The following NAV3 variants were observed in gnomAD, a reference collection of about 807,000 sequenced individuals.
NAV3 encodes neuron navigator 3, also known as pore membrane and/or filament interacting like protein 1.
In NAV3, 87 loss-of-function variants were observed where a neutral mutation model predicts 244.7. That is an observed-to-expected ratio of 0.36 (90% CI 0.30 to 0.42). The LOEUF (loss-of-function observed/expected upper bound fraction) is 0.42, where lower values mean the gene tolerates loss of function less well. NAV3 is among the 20% of genes least tolerant of loss of function. The pLI, the probability that NAV3 is intolerant of heterozygous loss-of-function variation, is 1.00. For missense variants in NAV3, 2,663 were observed against 2,893.3 expected (o/e 0.92, Z 1.83); for synonymous variants, 1,126 against 1,042.2 (o/e 1.08, Z -1.55).
intron 1 of NAV3, among the ~76,000 whole-genome samples, chr12:77,892,955 G>T (rs1333570332): frequency 6.6e-6 from 1 of 152,132 alleles, no homozygotes; most frequent in African/African-American, 2.4e-5. Flanking sequence ...TTAGTTAAGT[G>T]AAGTAGCATT....
intron 12 of NAV3, among the ~76,000 whole-genome samples, chr12:78,094,590 C>T (rs915083645): frequency 2.0e-5 from 3 of 152,130 alleles, no homozygotes; most frequent in Admixed American, 6.5e-5. Flanking sequence ...TGTAAATATA[C>T]AATTATAAAT....
chr12:78,184,276 A>G (rs1958619063), intron 30 of NAV3, among the ~76,000 whole-genome samples: 1 of 151,922 alleles, frequency 6.6e-6, no homozygotes. Context: ...ATGAGTAATT[A>G]AGACAAGTAC....
At chr12:77,834,987 A>G (rs1003652485) in intron 1 of NAV3, among the ~76,000 whole-genome samples, 1 of 152,202 alleles carries the variant, frequency 6.6e-6, no homozygotes, top group Admixed American at 6.5e-5. Context: ...CAACATAACA[A>G]TAGCATAAAG....
At chr12:78,030,674 A>G (rs1378097780) in intron 9 of NAV3, among the ~76,000 whole-genome samples, 1 of 152,184 alleles carries the variant, frequency 6.6e-6, no homozygotes, top group Non-Finnish European at 1.5e-5. Flanking sequence ...AACAAATGTG[A>G]CTAAGAAGTG....
intron 2 of NAV3, among the ~76,000 whole-genome samples, chr12:77,702,080 G>C (rs1365749462): frequency 1.3e-5 from 2 of 151,834 alleles, no homozygotes; most frequent in African/African-American, 4.8e-5. Flanking sequence ...TGATAATTGT[G>C]AAGTTATTAA....
chr12:78,072,343 A>C (rs1593470316), intron 12 of NAV3, among the ~76,000 whole-genome samples: 2 of 131,140 alleles, frequency 1.5e-5, no homozygotes, highest in South Asian at 2.9e-4. Context: ...ATAAAAAATG[A>C]TAAAGGGGAT....
At chr12:77,930,338 G>T (rs2137303165) in intron 1 of NAV3, among the ~76,000 whole-genome samples, 1 of 152,038 alleles carries the variant, frequency 6.6e-6, no homozygotes, top group African/African-American at 2.4e-5. Flanking sequence ...TAGGATTAAA[G>T]TCTCTTTCTT....
At chr12:77,892,443 T>C (rs1030058511) in intron 1 of NAV3, among the ~76,000 whole-genome samples, 3 of 151,580 alleles carry the variant, frequency 2.0e-5, no homozygotes, top group African/African-American at 4.8e-5. Context: ...TTAGACAGAA[T>C]CTTGCTCTGT....
At chr12:78,180,388 A>C (rs1372459932) in intron 29 of NAV3, among the ~76,000 whole-genome samples, 1 of 152,100 alleles carries the variant, frequency 6.6e-6, no homozygotes, top group African/African-American at 2.4e-5. Context: ...AAGGAAAAAA[A>C]GAAACTTTTT....
chr12:78,198,528 A>T, intron 35 of NAV3, 77 bp from the exon 36 acceptor site: 1 of 802,948 alleles, frequency 1.2e-6, no homozygotes, highest in Admixed American at 2.4e-5. Context: ...CTATCCTAGT[A>T]GTTTTCCAAG....
chr12:78,008,436 T>C (rs1874629909), intron 8 of NAV3, among the ~76,000 whole-genome samples: 1 of 152,186 alleles, frequency 6.6e-6, no homozygotes, highest in Non-Finnish European at 1.5e-5. Context: ...GTCCCCAGTT[T>C]ATTCACTGCT....
At chr12:77,894,203 G>A (rs551314431) in intron 1 of NAV3, among the ~76,000 whole-genome samples, 17 of 152,162 alleles carry the variant, frequency 1.1e-4, no homozygotes, top group African/African-American at 4.1e-4. Flanking sequence ...TAACAAGATA[G>A]TGTTGTTGTC....
intron 1 of NAV3, among the ~76,000 whole-genome samples, chr12:77,839,379 A>C (rs1023186627): frequency 1.3e-5 from 2 of 152,176 alleles, no homozygotes; most frequent in African/African-American, 4.8e-5. Flanking sequence ...AGCACAGTTT[A>C]TGTTCATGGT....
intron 2 of NAV3, among the ~76,000 whole-genome samples, chr12:77,628,913 A>G (rs1378535399): frequency 2.0e-5 from 3 of 152,056 alleles, no homozygotes; most frequent in Non-Finnish European, 4.4e-5. Context: ...AAAAAAAAAA[A>G]AAAAGAATCC....
chr12:77,856,627 A>C (rs571343587), intron 1 of NAV3, among the ~76,000 whole-genome samples: 60 of 152,310 alleles, frequency 3.9e-4, no homozygotes, highest in African/African-American at 1.4e-3. Context: ...GTAATTAAAA[A>C]GTAAAATAAT....
intron 1 of NAV3, among the ~76,000 whole-genome samples, chr12:77,880,126 G>A (rs1882438524): frequency 6.6e-6 from 1 of 152,120 alleles, no homozygotes; most frequent in Non-Finnish European, 1.5e-5. Flanking sequence ...ATGAATAGGG[G>A]CCCAAGCCTT....
At chr12:77,893,761 T>G (rs1190782455) in intron 1 of NAV3, among the ~76,000 whole-genome samples, 1 of 152,196 alleles carries the variant, frequency 6.6e-6, no homozygotes, top group Admixed American at 6.5e-5. Flanking sequence ...AACTTCCATG[T>G]AGAATTTTTC....
chr12:77,975,442 C>T (rs981938815), intron 5 of NAV3, among the ~76,000 whole-genome samples: 12 of 151,974 alleles, frequency 7.9e-5, no homozygotes, highest in Non-Finnish European at 1.6e-4. Flanking sequence ...CAGCTGATGA[C>T]GGAGAAAAAT....
intron 2 of NAV3, among the ~76,000 whole-genome samples, chr12:77,825,425 G>A (rs983172372): frequency 1.3e-5 from 2 of 152,108 alleles, no homozygotes; most frequent in Admixed American, 6.5e-5. Flanking sequence ...GCACAAGAAA[G>A]TGAACAGGAA....
Sources: gnomAD v4.1 joint callset for allele counts (sites outside exome capture counted in the v4.1 genomes callset) on GRCh38, gnomAD v4.1.1 for gene constraint, MANE v1.5 for transcripts, NCBI Gene and HGNC (gene_info 2026-07-23, HGNC 2026-07-21) for gene names.